The following LPAR1 variants were observed in gnomAD, a reference collection of about 807,000 sequenced individuals.
The protein encoded by LPAR1 is LPA receptor 1.
In LPAR1, 5 loss-of-function variants were observed where a neutral mutation model predicts 23.8. The ratio of observed to expected loss-of-function variants is 0.21; its 90% CI spans 0.11 to 0.44. LPAR1 has a LOEUF of 0.44. Ranked by LOEUF, LPAR1 falls within the 20% of genes least tolerant of loss-of-function variation. The probability of loss-of-function intolerance (pLI) is 0.99; values close to 1 mark genes in which losing one functional copy is unlikely to be tolerated. For missense variants in LPAR1, 311 were observed against 482.8 expected (o/e 0.64, Z 3.33); for synonymous variants, 160 against 164.7 (o/e 0.97, Z 0.22).
At chr9:110,912,856 G>C (rs1158912860) in intron 5 of LPAR1, among the ~76,000 whole-genome samples, 2 of 152,064 alleles carry the variant, frequency 1.3e-5, no homozygotes, top group Admixed American at 1.3e-4. Context: ...TGCTAATCTT[G>C]CCTCTCTTGG....
intron 2 of LPAR1, among the ~76,000 whole-genome samples, chr9:111,006,222 G>T (rs1052752494): frequency 6.6e-6 from 1 of 152,084 alleles, no homozygotes; most frequent in African/African-American, 2.4e-5. Context: ...GCATGCAAAA[G>T]GCTGTACACA....
chr9:110,895,783 G>C (rs1413124487), intron 5 of LPAR1, among the ~76,000 whole-genome samples: 2 of 152,090 alleles, frequency 1.3e-5, no homozygotes, highest in Non-Finnish European at 2.9e-5. Context: ...TTTCATTGCA[G>C]AACAGTTCTG....
At chr9:110,927,991 C>A (rs925266155) in intron 5 of LPAR1, among the ~76,000 whole-genome samples, 2 of 152,002 alleles carry the variant, frequency 1.3e-5, no homozygotes, top group African/African-American at 2.4e-5. Context: ...ATTTAAATAT[C>A]CATATTTATA....
intron 2 of LPAR1, among the ~76,000 whole-genome samples, chr9:110,976,140 C>T (rs1007405002): frequency 5.3e-5 from 8 of 151,934 alleles, no homozygotes; most frequent in African/African-American, 1.9e-4. Context: ...GACAGATGAA[C>T]CCCCGCCTTA....
intron 2 of LPAR1, among the ~76,000 whole-genome samples, chr9:111,010,632 TA>T (rs768694610): frequency 2.9e-4 from 44 of 152,058 alleles, no homozygotes; most frequent in South Asian, 1.7e-3. Context: ...CTTAATGACA[TA>T]AAAACCCACA....
At chr9:110,911,465 C>A (rs1348656812) in intron 5 of LPAR1, among the ~76,000 whole-genome samples, 1 of 151,940 alleles carries the variant, frequency 6.6e-6, no homozygotes, top group African/African-American at 2.4e-5. Context: ...TTGCTTCAGC[C>A]TGGGAAGTAG....
intron 4 of LPAR1, among the ~76,000 whole-genome samples, chr9:110,971,750 C>G (rs1186442330): frequency 1.4e-5 from 1 of 71,860 alleles, no homozygotes; most frequent in Non-Finnish European, 3.8e-5. Flanking sequence ...ACAAAAAAGC[C>G]AAGAGAGGAA....
chr9:110,900,401 C>T (rs1007000), intron 5 of LPAR1, among the ~76,000 whole-genome samples: 24,833 of 152,008 alleles, frequency 0.16, 2,593 homozygotes, highest in Admixed American at 0.24. Context: ...TTTAGTGGTC[C>T]GTATTTCTCA....
At chr9:111,035,381 C>G (rs1248858422) in intron 2 of LPAR1, among the ~76,000 whole-genome samples, 1 of 152,108 alleles carries the variant, frequency 6.6e-6, no homozygotes, top group Admixed American at 6.6e-5. Flanking sequence ...GCCACCATAC[C>G]CAGCTAATGT....
chr9:110,948,752 C>T lies in LPAR1; in HGVS notation c.46-6584G>A, dbSNP rs560370302. Among the ~76,000 whole-genome samples, 15 of 152,202 alleles carry T rather than the reference C, an allele frequency of 9.9e-5. No homozygotes were observed. The East Asian group carries it at 2.9e-3, about 30-fold the overall frequency. ...AACTTAAACCAAGGTGAAAGGCTGT[C>T]CAGGCAGCAGATTGTCAGAGATCAT... is the stretch of plus-strand genomic sequence containing the variant. On this transcript the variant is annotated intron_variant, in intron 4 of 5. Transcript: ENST00000683809.
At chr9:110,891,537 C>A (rs567265113) in intron 5 of LPAR1, among the ~76,000 whole-genome samples, 2 of 152,038 alleles carry the variant, frequency 1.3e-5, no homozygotes, top group Admixed American at 1.3e-4. Flanking sequence ...ATTAGTGGCA[C>A]ACATTAAAAT....
intron 3 of LPAR1, 80 bp downstream of exon 3, chr9:110,973,401 A>T (rs2138361795): frequency 6.6e-6 from 1 of 152,296 alleles, no homozygotes; most frequent in East Asian, 1.9e-4. Flanking sequence ...TATGAAACGT[A>T]ACGAAGTTAA....
chr9:110,899,021 G>T lies in LPAR1; in HGVS notation c.794-23299C>A, dbSNP rs115080494. Among the ~76,000 whole-genome samples, 1,009 of 152,256 alleles carry T rather than the reference G, an allele frequency of 6.6e-3. 12 individuals are homozygous for T. Among genetic ancestry groups the T allele is most frequent in the African/African-American group, 0.023 (962 of 41,550 alleles). On this transcript the variant is annotated intron_variant, in intron 5 of 5. Transcript: ENST00000683809. ...CCTTAGGTTCCTTGGACAAACATCG[G>T]CTAATTCTTTTTTAAAAATACAACA... is the stretch of plus-strand genomic sequence containing the variant.
chr9:111,005,730 T>C (rs1022130281), intron 2 of LPAR1, among the ~76,000 whole-genome samples: 1 of 152,092 alleles, frequency 6.6e-6, no homozygotes, highest in Non-Finnish European at 1.5e-5. Context: ...TGTTACTTCA[T>C]GCCTTCCATA....
chr9:110,930,067 A>G (rs539797351), intron 5 of LPAR1, among the ~76,000 whole-genome samples: 8 of 152,320 alleles, frequency 5.3e-5, no homozygotes, highest in African/African-American at 1.9e-4. Context: ...CCAGGCCATT[A>G]CAGACTGTAA....
intron 4 of LPAR1, among the ~76,000 whole-genome samples, chr9:110,946,389 G>A (rs2095380243): frequency 6.6e-6 from 1 of 152,120 alleles, no homozygotes; most frequent in Non-Finnish European, 1.5e-5. Context: ...AAATGTAGGT[G>A]TATCTTGATG....
At chr9:110,886,829 T>G (rs570505294) in intron 5 of LPAR1, among the ~76,000 whole-genome samples, 6 of 152,236 alleles carry the variant, frequency 3.9e-5, no homozygotes, top group Admixed American at 3.3e-4. Context: ...ATTGTAAACT[T>G]CACAGAAAAT....
intron 5 of LPAR1, among the ~76,000 whole-genome samples, chr9:110,897,549 C>G (rs1190656465): frequency 2.0e-5 from 3 of 152,230 alleles, no homozygotes; most frequent in Non-Finnish European, 4.4e-5. Context: ...ACTACAAACA[C>G]ATCTTATAGG....
At chr9:110,938,276 GAGA>G (rs2094858015) in intron 5 of LPAR1, among the ~76,000 whole-genome samples, 2 of 152,200 alleles carry the variant, frequency 1.3e-5, no homozygotes, top group African/African-American at 2.4e-5. Flanking sequence ...AATTTACAAA[GAGA>G]AGAACTTCGA....
Sources: allele counts gnomAD v4.1 joint callset (sites outside exome capture counted in the v4.1 genomes callset), GRCh38; gene constraint gnomAD v4.1.1; transcripts MANE v1.5; gene names NCBI Gene and HGNC (gene_info 2026-07-23, HGNC 2026-07-21).